Variants in PIGU observed in about 807,000 individuals in gnomAD.
PIGU encodes the protein phosphatidylinositol glycan anchor biosynthesis class U, also known as GPI-anchor transamidase component PIGU.
PIGU carries 24 observed loss-of-function variants against 49.9 expected under a neutral mutation model. The observed-to-expected ratio is 0.48, with a 90% CI of 0.35 to 0.68. The LOEUF is 0.68. PIGU is among the 30% of genes least tolerant of loss of function. The pLI, the probability that PIGU is intolerant of heterozygous loss-of-function variation, is 0.01. For synonymous variants in PIGU, 220 were observed against 205.7 expected, an observed-to-expected ratio of 1.07 and a Z score of -0.59; for missense variants, 490 against 532.6, an observed-to-expected ratio of 0.92 and a Z score of 0.79.
At chr20:34,610,640 T>C (rs1984778998) in intron 7 of PIGU, among the ~76,000 whole-genome samples, 1 of 152,156 alleles carries the variant, frequency 6.6e-6, no homozygotes, top group Admixed American at 6.5e-5. Flanking sequence ...CCAAAGTAAT[T>C]TATAGATTCA....
At chr20:34,587,959 G>T (rs1300258917) in intron 8 of PIGU, among the ~76,000 whole-genome samples, 2 of 152,142 alleles carry the variant, frequency 1.3e-5, no homozygotes, top group African/African-American at 4.8e-5. Context: ...ATGAACATGG[G>T]AGTGCAGACA....
chr20:34,653,355 T>C (rs1269609873), intron 2 of PIGU, among the ~76,000 whole-genome samples: 2 of 152,202 alleles, frequency 1.3e-5, no homozygotes, highest in African/African-American at 4.8e-5. Flanking sequence ...GATATTGAAA[T>C]CTCTGTAATT....
intron 4 of PIGU, among the ~76,000 whole-genome samples, chr20:34,640,273 C>T (rs2146766110): frequency 6.6e-6 from 1 of 152,310 alleles, no homozygotes; most frequent in African/African-American, 2.4e-5. Context: ...AAAGGAGTCT[C>T]CAGGTGGGAA....
intron 11 of PIGU, among the ~76,000 whole-genome samples, chr20:34,571,156 T>C (rs923142749): frequency 3.3e-5 from 5 of 152,268 alleles, no homozygotes; most frequent in South Asian, 2.1e-4. Flanking sequence ...CTGGTCTCAA[T>C]CCCTCCTTCG....
At chr20:34,614,985 T>C (rs1309105450) in intron 7 of PIGU, among the ~76,000 whole-genome samples, 1 of 152,212 alleles carries the variant, frequency 6.6e-6, no homozygotes, top group Non-Finnish European at 1.5e-5. Context: ...GAAACATGTA[T>C]GTACTATTCT....
At chr20:34,612,489 C>T (rs773824368) in intron 7 of PIGU, among the ~76,000 whole-genome samples, 1 of 151,844 alleles carries the variant, frequency 6.6e-6, no homozygotes, top group Non-Finnish European at 1.5e-5. Context: ...ATGTAACAAA[C>T]CTGCGCATTC....
chr20:34,570,234 A>T (rs1231793726), intron 11 of PIGU, among the ~76,000 whole-genome samples: 1 of 152,186 alleles, frequency 6.6e-6, no homozygotes, highest in Non-Finnish European at 1.5e-5. Flanking sequence ...TTTCATCATT[A>T]TGTCAATAAT....
intron 6 of PIGU, among the ~76,000 whole-genome samples, chr20:34,620,644 T>C (rs1985173221): frequency 6.6e-6 from 1 of 151,730 alleles, no homozygotes; most frequent in Non-Finnish European, 1.5e-5. Context: ...ACCCTGTTTC[T>C]ACTAAAAATA....
chr20:34,632,994 T>C (rs953008618), intron 6 of PIGU, among the ~76,000 whole-genome samples: 2 of 148,734 alleles, frequency 1.3e-5, no homozygotes, highest in Non-Finnish European at 3.0e-5. Flanking sequence ...AAAACAGTGA[T>C]TGGCACCCAC....
At chr20:34,565,548 G>A (rs1321858484) in intron 11 of PIGU, among the ~76,000 whole-genome samples, 14 of 151,744 alleles carry the variant, frequency 9.2e-5, no homozygotes, top group African/African-American at 2.4e-4. Context: ...ATGAGCCACC[G>A]CGCCCGGCCG....
At chr20:34,593,487 T>C (rs1367175816) in intron 7 of PIGU, among the ~76,000 whole-genome samples, 1 of 152,150 alleles carries the variant, frequency 6.6e-6, no homozygotes, top group Non-Finnish European at 1.5e-5. Flanking sequence ...ATAAAACCTC[T>C]ATAATTAAAG....
intron 1 of PIGU, among the ~76,000 whole-genome samples, chr20:34,674,286 C>T (rs777419178): frequency 6.6e-6 from 1 of 151,590 alleles, no homozygotes; most frequent in Non-Finnish European, 1.5e-5. Flanking sequence ...ACCTGGGAGG[C>T]GGAGGTTGCA....
intron 2 of PIGU, among the ~76,000 whole-genome samples, chr20:34,646,688 C>A (rs1986356238): frequency 6.6e-6 from 1 of 152,194 alleles, no homozygotes. Flanking sequence ...GCATTACAGG[C>A]AGGAGCCACT....
chr20:34,588,544 T>C lies in PIGU; in HGVS notation c.691A>G (p.Met231Val), dbSNP rs1246293732. The change falls in exon 8 of 12, where the codon ATG (methionine) becomes GTG (valine). Residue 231 changes from methionine to valine, a missense_variant. Coordinates refer to ENST00000217446, the MANE Select transcript of PIGU (RefSeq NM_080476.5). ...AFWIFSWEYA[M>V]MYVGSLVVII... ...ACCACTAGGCTTCCCACATACATCATGGCATACTCCCAAGAAAAGATCCAG... is the reference window on the plus strand; with the variant it reads ...ACCACTAGGCTTCCCACATACATCACGGCATACTCCCAAGAAAAGATCCAG... 1 of 1,613,884 alleles carries C rather than the reference T, an allele frequency of 6.2e-7. No homozygotes were observed.
intron 4 of PIGU, 86 bp downstream of exon 4, chr20:34,644,078 G>A: frequency 1.6e-6 from 2 of 1,261,420 alleles, no homozygotes; most frequent in South Asian, 2.4e-5. Context: ...AAAGCATCTG[G>A]ATCCTTAAGT....
intron 6 of PIGU, 112 bp downstream of exon 6, chr20:34,634,503 A>G: frequency 7.3e-7 from 1 of 1,369,452 alleles, no homozygotes. Context: ...ATTTTTAAAA[A>G]TGTTTTTAAG....
At chr20:34,645,672 G>T (rs1342842246) in intron 2 of PIGU, among the ~76,000 whole-genome samples, 1 of 152,102 alleles carries the variant, frequency 6.6e-6, no homozygotes, top group Non-Finnish European at 1.5e-5. Flanking sequence ...GAGGCAGGCA[G>T]ATCACCAGGT....
intron 1 of PIGU, among the ~76,000 whole-genome samples, chr20:34,662,421 A>C (rs1429895776): frequency 7.0e-6 from 1 of 141,890 alleles, no homozygotes; most frequent in African/African-American, 2.6e-5. Flanking sequence ...TTTGAGACAG[A>C]GTCTCGGTCT....
intron 7 of PIGU, among the ~76,000 whole-genome samples, chr20:34,599,460 A>G (rs1408942318): frequency 6.6e-6 from 1 of 152,116 alleles, no homozygotes; most frequent in Non-Finnish European, 1.5e-5. Context: ...AAAAAAACAA[A>G]AAAATCCAAG....
Sources: gnomAD v4.1 joint callset for allele counts (sites outside exome capture counted in the v4.1 genomes callset) on GRCh38, gnomAD v4.1.1 for gene constraint, MANE v1.5 for transcripts, NCBI Gene and HGNC (gene_info 2026-07-23, HGNC 2026-07-21) for gene names.